MATN2: variants seen among roughly 807,000 people sequenced by gnomAD.
MATN2 encodes matrilin-2.
MATN2 carries 69 observed loss-of-function variants against 103.2 expected under a neutral mutation model. The observed-to-expected ratio is 0.67, with a 90% CI of 0.55 to 0.82. MATN2 has a LOEUF of 0.82. Ranked by LOEUF, MATN2 falls within the 40% of genes least tolerant of loss-of-function variation. The pLI is 0.00. For missense variants in MATN2, 1,023 were observed against 1,211.5 expected, an observed-to-expected ratio of 0.84 and a Z score of 2.31; for synonymous variants, 429 against 450.2, an observed-to-expected ratio of 0.95 and a Z score of 0.60.
chr8:97,965,096 GT>G (rs1811438892), intron 5 of MATN2, among the ~76,000 whole-genome samples: 1 of 152,118 alleles, frequency 6.6e-6, no homozygotes, highest in South Asian at 2.1e-4. Flanking sequence ...TTTGAAAGGG[GT>G]TCCAGTTTGG....
rs546698470 is a variant in MATN2 at position 97,906,875 on chromosome 8, G to A, written c.142+18633G>A. Among the ~76,000 whole-genome samples the A allele has an allele frequency of 6.6e-5, 10 of 152,154 alleles. No homozygotes were observed. The East Asian group carries it at 7.7e-4, about 12-fold the overall frequency. On this transcript the variant is annotated intron_variant, in intron 2 of 18. Coordinates refer to ENST00000254898, the MANE Select transcript of MATN2 (RefSeq NM_002380.5). ...TTCTTTGTGGGGACCCTCTATTTCC[G>A]CAGAGGCAGGTTCAGATGGCCTCTT... is the stretch of plus-strand genomic sequence containing the variant.
At chr8:97,905,526 G>A (rs1297135693) in intron 2 of MATN2, among the ~76,000 whole-genome samples, 1 of 151,950 alleles carries the variant, frequency 6.6e-6, no homozygotes, top group African/African-American at 2.4e-5. Flanking sequence ...TGTTTTCAAG[G>A]TTCATCCATG....
chr8:98,034,104 C>A (rs1814146468), intron 18 of MATN2: 5 of 450,712 alleles, frequency 1.1e-5, no homozygotes, highest in Non-Finnish European at 2.2e-5. Context: ...AACACCACAG[C>A]CACATATAGA....
intron 10 of MATN2, among the ~76,000 whole-genome samples, chr8:98,012,838 A>C (rs561126418): frequency 3.9e-5 from 6 of 152,316 alleles, no homozygotes; most frequent in African/African-American, 1.2e-4. Flanking sequence ...CTGAAGGTTC[A>C]GGGACATTGG....
In MATN2 at chr8:98,016,210, G is replaced by A. The variant is rs115612800; in HGVS notation, c.1574-330G>A. On this transcript the variant is annotated intron_variant, in intron 10 of 18. Transcript: ENST00000254898. The stretch of plus-strand genomic sequence containing the variant: ...AGCCTGGGCAACATGGTGAAATCCC[G>A]TCTCCACAAAAAATTAGCCTGGTGT... 6.2e-3 allele frequency among the ~76,000 whole-genome samples: 936 copies of A among 152,128 alleles called. 11 individuals carry two copies. The highest frequency in any genetic ancestry group is 0.021 in the African/African-American group (857 of 41,496).
intron 10 of MATN2, among the ~76,000 whole-genome samples, chr8:98,012,974 C>T (rs1267525975): frequency 6.6e-6 from 1 of 152,194 alleles, no homozygotes; most frequent in Non-Finnish European, 1.5e-5. Context: ...ATAAGTGCTC[C>T]GTAAACACTT....
intron 3 of MATN2, among the ~76,000 whole-genome samples, chr8:97,940,057 A>G (rs1311864966): frequency 1.3e-5 from 2 of 152,054 alleles, no homozygotes; most frequent in Admixed American, 1.3e-4. Context: ...TATTCTCAAC[A>G]CTCTACCATC....
chr8:97,919,557 G>A (rs139486144), intron 2 of MATN2, among the ~76,000 whole-genome samples: 1 of 152,202 alleles, frequency 6.6e-6, no homozygotes, highest in African/African-American at 2.4e-5. Context: ...TGATGTTATC[G>A]AGCTGTCGAG....
chr8:98,006,547 C>T (rs1322334165), intron 8 of MATN2, among the ~76,000 whole-genome samples: 2 of 152,222 alleles, frequency 1.3e-5, no homozygotes, highest in Non-Finnish European at 2.9e-5. Context: ...GATTTGAACC[C>T]AGGTAGTTTG....
At chr8:97,891,253 T>C (rs1188784069) in intron 2 of MATN2, among the ~76,000 whole-genome samples, 1 of 152,256 alleles carries the variant, frequency 6.6e-6, no homozygotes, top group Non-Finnish European at 1.5e-5. Flanking sequence ...CTCTGCCTGC[T>C]GAGCAGGCTT....
intron 5 of MATN2, among the ~76,000 whole-genome samples, 168 bp from the exon 6 acceptor site, chr8:97,978,717 AT>A (rs1032442523): frequency 1.3e-5 from 2 of 151,820 alleles, no homozygotes; most frequent in South Asian, 2.1e-4. Flanking sequence ...TAGACTCCTG[AT>A]TTTTTTTGAG....
chr8:97,882,261 T>C (rs1818282016), intron 1 of MATN2, among the ~76,000 whole-genome samples: 1 of 151,932 alleles, frequency 6.6e-6, no homozygotes, highest in Admixed American at 6.6e-5. Context: ...ACAGTTAACA[T>C]CATAATTCCT....
chr8:97,958,401 G>A (rs1811206687), intron 4 of MATN2, among the ~76,000 whole-genome samples: 1 of 152,166 alleles, frequency 6.6e-6, no homozygotes, highest in South Asian at 2.1e-4. Flanking sequence ...CAGGGACACT[G>A]CCCACCCACT....
chr8:97,997,819 T>G (rs1812638712), intron 7 of MATN2, among the ~76,000 whole-genome samples: 2 of 63,398 alleles, frequency 3.2e-5, no homozygotes, highest in African/African-American at 1.6e-4. Context: ...TGGAGAAGGT[T>G]TTTTTTTTTT....
intron 13 of MATN2, among the ~76,000 whole-genome samples, chr8:98,022,516 GA>G (rs1005659295): frequency 2.0e-5 from 3 of 152,000 alleles, no homozygotes; most frequent in Non-Finnish European, 1.5e-5. Context: ...ATGTTAAGCA[GA>G]AAAAAATTAG....
intron 1 of MATN2, among the ~76,000 whole-genome samples, chr8:97,874,283 T>C (rs1436434222): frequency 6.6e-6 from 1 of 152,186 alleles, no homozygotes; most frequent in East Asian, 1.9e-4. Context: ...CTTTTCCAAC[T>C]TCCAGAGGCT....
intron 5 of MATN2, among the ~76,000 whole-genome samples, chr8:97,972,740 G>C (rs147253274): frequency 6.6e-6 from 1 of 152,232 alleles, no homozygotes; most frequent in Non-Finnish European, 1.5e-5. Context: ...CACATGTTGG[G>C]CAGAGAATGA....
chr8:97,895,590 ACTTAC>A (rs1397627436), intron 2 of MATN2, among the ~76,000 whole-genome samples: 11 of 152,188 alleles, frequency 7.2e-5, no homozygotes, highest in African/African-American at 2.7e-4. Context: ...TAATAGTGAT[ACTTAC>A]CTCAGAGGGA....
At chr8:97,905,035 C>T (rs866313325) in intron 2 of MATN2, among the ~76,000 whole-genome samples, 124 of 152,320 alleles carry the variant, frequency 8.1e-4, no homozygotes, top group African/African-American at 2.8e-3. Context: ...TCAGAGATAA[C>T]TCAAAATACT....
Sources: gnomAD v4.1 joint callset for allele counts (sites outside exome capture counted in the v4.1 genomes callset) on GRCh38, gnomAD v4.1.1 for gene constraint, MANE v1.5 for transcripts, NCBI Gene and HGNC (gene_info 2026-07-23, HGNC 2026-07-21) for gene names.